Variants in KATNAL2 observed in about 807,000 individuals in gnomAD.
KATNAL2 encodes the protein katanin p60 ATPase-containing subunit A-like 2.
A neutral mutation model predicts 76.3 loss-of-function variants in KATNAL2; 52 were observed. The ratio of observed to expected loss-of-function variants is 0.68; its 90% confidence interval spans 0.55 to 0.86. KATNAL2 has a LOEUF of 0.86. KATNAL2 is among the 40% of genes least tolerant of loss of function. The pLI, the probability that KATNAL2 is intolerant of heterozygous loss-of-function variation, is 0.00. For synonymous variants in KATNAL2, 243 were observed against 244.2 expected (o/e 1.00, Z 0.05); for missense variants, 660 against 668.9 (o/e 0.99, Z 0.15).
chr18:47,065,045 C>T (rs1400725788), intron 10 of KATNAL2, among the ~76,000 whole-genome samples: 1 of 152,180 alleles, frequency 6.6e-6, no homozygotes, highest in East Asian at 1.9e-4. Flanking sequence ...ATGTGAGTGG[C>T]TGGTGGGCCT....
chr18:46,934,146 C>A (rs2059019713), intron 1 of KATNAL2, among the ~76,000 whole-genome samples: 1 of 151,982 alleles, frequency 6.6e-6, no homozygotes, highest in Admixed American at 6.6e-5. Context: ...GATTTATAGT[C>A]CTTTGGGTAT....
At chr18:47,089,988 A>G (rs2062930576) in intron 15 of KATNAL2, among the ~76,000 whole-genome samples, 1 of 152,198 alleles carries the variant, frequency 6.6e-6, no homozygotes, top group African/African-American at 2.4e-5. Flanking sequence ...GGGTTTCACC[A>G]TGTTGCCAAG....
chr18:47,039,906 A>C (rs1282809562), intron 3 of KATNAL2, among the ~76,000 whole-genome samples: 1 of 152,156 alleles, frequency 6.6e-6, no homozygotes, highest in Non-Finnish European at 1.5e-5. Context: ...CTGTGTTAGA[A>C]CCTCTAATAT....
intron 15 of KATNAL2, among the ~76,000 whole-genome samples, chr18:47,087,531 C>G (rs2062825474): frequency 6.6e-6 from 1 of 151,884 alleles, no homozygotes; most frequent in East Asian, 1.9e-4. Context: ...AACAACAGAC[C>G]CTGAGGCCTG....
At chr18:46,922,015 C>G (rs1349450959) in intron 1 of KATNAL2, among the ~76,000 whole-genome samples, 1 of 152,028 alleles carries the variant, frequency 6.6e-6, no homozygotes, top group Non-Finnish European at 1.5e-5. Flanking sequence ...CTCCTACACA[C>G]TTTGCCAATA....
At chr18:47,035,068 G>A (rs1162289135) in intron 3 of KATNAL2, 2 of 1,610,694 alleles carry the variant, frequency 1.2e-6, no homozygotes, top group Non-Finnish European at 1.7e-6. Flanking sequence ...TAAGTCTCTG[G>A]CAAAGTCGCC....
rs1317274704 is a variant in KATNAL2 at position 47,040,663 on chromosome 18, A to G, written c.52-5794A>G. Among the ~76,000 whole-genome samples the G allele has an allele frequency of 2.0e-5, 3 of 152,260 alleles. No individual in the cohort carries two copies. The East Asian group carries it at 5.8e-4, about 29-fold the overall frequency. On this transcript the variant is annotated intron_variant, in intron 3 of 17. Transcript: ENST00000683218. ...ACTTAAAAAGTATAGGCTGGGTGGA[A>G]TGGTGCACACTTGTAGTCCCAGCTA...
chr18:46,935,311 G>T (rs2059055374), intron 1 of KATNAL2, among the ~76,000 whole-genome samples: 1 of 152,162 alleles, frequency 6.6e-6, no homozygotes, highest in East Asian at 1.9e-4. Flanking sequence ...CCCTGAGTCA[G>T]CTAGGAGGAG....
chr18:46,944,058 T>C (rs962643867), intron 1 of KATNAL2, among the ~76,000 whole-genome samples: 4 of 152,248 alleles, frequency 2.6e-5, no homozygotes, highest in African/African-American at 9.6e-5. Flanking sequence ...TGGTCTAGTT[T>C]TCTAGTTGTT....
At chr18:47,064,829 C>T (rs1006755741) in intron 10 of KATNAL2, among the ~76,000 whole-genome samples, 1 of 152,158 alleles carries the variant, frequency 6.6e-6, no homozygotes, top group African/African-American at 2.4e-5. Context: ...CTCACCACCT[C>T]ATGAGGTAGT....
At chr18:47,033,272 C>T in intron 3 of KATNAL2, 1 of 1,613,490 alleles carries the variant, frequency 6.2e-7, no homozygotes, top group African/African-American at 1.3e-5. Context: ...TCGGGGTCAG[C>T]GTCTCCTGCA....
intron 8 of KATNAL2, among the ~76,000 whole-genome samples, chr18:47,060,039 C>T (rs1209874137): frequency 6.6e-6 from 1 of 151,516 alleles, no homozygotes; most frequent in East Asian, 1.9e-4. Flanking sequence ...CTCTGTCACC[C>T]AGGCTGGAGT....
At chr18:47,077,001 C>G (rs2062266613) in intron 14 of KATNAL2, among the ~76,000 whole-genome samples, 1 of 151,892 alleles carries the variant, frequency 6.6e-6, no homozygotes, top group Non-Finnish European at 1.5e-5. Context: ...AAGGGATTAT[C>G]CTCAATTATG....
chr18:47,059,735 T>G, intron 8 of KATNAL2, 81 bp downstream of exon 8: 2 of 1,041,068 alleles, frequency 1.9e-6, no homozygotes, highest in Non-Finnish European at 3.0e-6. Context: ...ACATTATTTT[T>G]GTCAAACAGG....
At chr18:47,098,899 T>A in intron 15 of KATNAL2, 1 of 198,772 alleles carries the variant, frequency 5.0e-6, no homozygotes, top group South Asian at 1.1e-4. Context: ...TGCTGGTTGT[T>A]AGTTGGTTTT....
intron 12 of KATNAL2, 73 bp from the exon 13 acceptor site, chr18:47,069,409 G>A: frequency 7.2e-7 from 1 of 1,398,258 alleles, no homozygotes; most frequent in East Asian, 2.3e-5. Context: ...CCTTGTGTGT[G>A]AGACTGACTT....
intron 15 of KATNAL2, among the ~76,000 whole-genome samples, chr18:47,092,229 T>C (rs539528265): frequency 2.6e-5 from 4 of 152,336 alleles, no homozygotes; most frequent in African/African-American, 9.6e-5. Context: ...CCGAGTGCAG[T>C]GGATCACGCC....
chr18:47,057,085 T>C (rs575841979), intron 6 of KATNAL2, among the ~76,000 whole-genome samples: 39 of 152,264 alleles, frequency 2.6e-4, no homozygotes, highest in African/African-American at 7.5e-4. Context: ...CATGTGGACA[T>C]TGGTGGTGTT....
chr18:46,928,654 G>A (rs1348590416), intron 1 of KATNAL2, among the ~76,000 whole-genome samples: 2 of 152,130 alleles, frequency 1.3e-5, no homozygotes, highest in African/African-American at 2.4e-5. Context: ...CATCACTCAC[G>A]CTGGGAGATG....
Sources: allele counts gnomAD v4.1 joint callset (sites outside exome capture counted in the v4.1 genomes callset), GRCh38; gene constraint gnomAD v4.1.1; transcripts MANE v1.5; gene names NCBI Gene and HGNC (gene_info 2026-07-23, HGNC 2026-07-21).